SYNPO2: variants seen among roughly 807,000 people sequenced by gnomAD.
SYNPO2 encodes synaptopodin-2.
In SYNPO2, 56 loss-of-function variants were observed where a neutral mutation model predicts 85.0. That is an observed-to-expected ratio of 0.66 (90% CI 0.53 to 0.82). The LOEUF is 0.82. Among genes scored for constraint, SYNPO2 ranks in the 40% least tolerant of loss-of-function variants. SYNPO2 has a pLI of 0.00. For synonymous variants in SYNPO2, 602 were observed against 591.1 expected (o/e 1.02, Z -0.27); for missense variants, 1,575 against 1,534.2 (o/e 1.03, Z -0.44).
At chr4:119,033,141 G>T (rs1738355044) in intron 4 of SYNPO2, 1 of 985,416 alleles carries the variant, frequency 1.0e-6, no homozygotes, top group East Asian at 1.1e-4. Flanking sequence ...TTTACTGACT[G>T]ACTACAGGGG....
Position 118,909,214 on chromosome 4 carries a change from G to T in SYNPO2, c.105+20073G>T, listed in dbSNP as rs190301221. Among the ~76,000 whole-genome samples, 985 of 152,306 alleles carry T rather than the reference G, an allele frequency of 6.5e-3. 14 individuals are homozygous for T. The highest frequency in any genetic ancestry group is 5.3e-3 in the Non-Finnish European group (362 of 68,026). On this transcript the variant is annotated intron_variant, in intron 1 of 4. Transcript: ENST00000307142. ...AGGGATGCCTAGTATAGAGGATAAA[G>T]CTCTTTTCAGGGTTGTGAAACATAC...
At chr4:118,897,824 T>G (rs1732598017) in intron 1 of SYNPO2, among the ~76,000 whole-genome samples, 1 of 152,104 alleles carries the variant, frequency 6.6e-6, no homozygotes, top group Non-Finnish European at 1.5e-5. Context: ...TTGGGTCTAG[T>G]GTAGTTTGAA....
At chr4:119,020,423 C>T (rs767580690) in intron 1 of SYNPO2, among the ~76,000 whole-genome samples, 4 of 152,174 alleles carry the variant, frequency 2.6e-5, no homozygotes, top group Non-Finnish European at 5.9e-5. Context: ...ATGAACTGCA[C>T]TTTTCCTATC....
At chr4:118,954,422 A>G (rs1011030760) in intron 1 of SYNPO2, among the ~76,000 whole-genome samples, 2 of 152,128 alleles carry the variant, frequency 1.3e-5, no homozygotes, top group African/African-American at 4.8e-5. Flanking sequence ...GTGCCCTTTC[A>G]TATGGGCTCA....
chr4:119,057,649 G>A lies in SYNPO2; in HGVS notation c.3501G>A (p.Lys1167=), dbSNP rs138547821. 1.9e-6 allele frequency: 3 copies of A among 1,614,020 alleles called. No individual in the cohort carries two copies. The highest frequency in any genetic ancestry group is 2.7e-5 in the African/African-American group (2 of 74,922). Residue 1167 remains lysine (K), a synonymous_variant, in exon 5 of 5, where the codon AAG becomes AAA. Coordinates refer to ENST00000307142, the MANE Select transcript of SYNPO2 (RefSeq NM_133477.3). Reference sequence around the variant, plus strand: ...ATGTGGTTTCAGCAGCTCGGAGGAAGGTGCTTCCAGGGCCTCCAGAGGATT... The same window carrying A: ...ATGTGGTTTCAGCAGCTCGGAGGAAAGTGCTTCCAGGGCCTCCAGAGGATT... ...VANVVSAARR[K]VLPGPPEDWN...
At chr4:118,875,322 T>C (rs569906139) in intron 1 of SYNPO2, among the ~76,000 whole-genome samples, 1 of 152,316 alleles carries the variant, frequency 6.6e-6, no homozygotes, top group African/African-American at 2.4e-5. Flanking sequence ...TTTTTCTCTA[T>C]TTTTTTGGTT....
In SYNPO2 at chr4:118,938,320, A is replaced by C. The variant is rs1560887136; in HGVS notation, c.105+49179A>C. 2.0e-5 allele frequency among the ~76,000 whole-genome samples: 3 copies of C among 152,230 alleles called. 1 individual carries two copies. Among genetic ancestry groups the C allele is most frequent in the East Asian group, 3.9e-4 (2 of 5,182 alleles). ...GGCTGACGGAGCAAGATTCCATCTC[A>C]ATTTAAAGAAAACATATGTATATTT... On this transcript the variant is annotated intron_variant, in intron 1 of 4. Coordinates refer to ENST00000307142, the MANE Select transcript of SYNPO2 (RefSeq NM_133477.3).
intron 1 of SYNPO2, among the ~76,000 whole-genome samples, chr4:118,852,178 C>T (rs1228755761): frequency 6.6e-6 from 1 of 152,190 alleles, no homozygotes; most frequent in Non-Finnish European, 1.5e-5. Context: ...GAGCTGCCAT[C>T]TCACACTAGT....
chr4:118,970,162 C>T (rs914011917), intron 1 of SYNPO2, among the ~76,000 whole-genome samples: 1 of 152,108 alleles, frequency 6.6e-6, no homozygotes, highest in African/African-American at 2.4e-5. Context: ...CTGTTTTATT[C>T]CTGAATTATA....
intron 1 of SYNPO2, among the ~76,000 whole-genome samples, chr4:118,851,317 G>A (rs902489208): frequency 3.3e-5 from 5 of 152,040 alleles, no homozygotes; most frequent in South Asian, 2.1e-4. Context: ...GAGAAACCCC[G>A]TCTCTACTAA....
At chr4:118,875,200 A>G (rs1207532840) in intron 1 of SYNPO2, among the ~76,000 whole-genome samples, 1 of 152,088 alleles carries the variant, frequency 6.6e-6, no homozygotes, top group Non-Finnish European at 1.5e-5. Flanking sequence ...ATTCCTTTTT[A>G]TGGCTGCATG....
intron 1 of SYNPO2, among the ~76,000 whole-genome samples, chr4:118,864,201 C>A (rs568355204): frequency 6.6e-6 from 1 of 152,206 alleles, no homozygotes; most frequent in Non-Finnish European, 1.5e-5. Context: ...TTCTTAGTTT[C>A]TTTATTGGCC....
intron 4 of SYNPO2, among the ~76,000 whole-genome samples, chr4:119,055,152 TA>T (rs1222507096): frequency 6.8e-5 from 10 of 147,252 alleles, no homozygotes; most frequent in African/African-American, 2.4e-4. Flanking sequence ...ATTATTTATT[TA>T]TTTATTTTTT....
intron 1 of SYNPO2, among the ~76,000 whole-genome samples, chr4:119,022,983 G>A (rs1560990145): frequency 6.6e-6 from 1 of 151,602 alleles, no homozygotes; most frequent in African/African-American, 2.4e-5. Flanking sequence ...TCACCATGTT[G>A]GCCAGGCTGG....
In SYNPO2 at chr4:119,027,389, C is replaced by G. The variant is rs772314173; in HGVS notation, c.1020C>G (p.Arg340=). 2.5e-6 allele frequency: 4 copies of G among 1,612,572 alleles called. No homozygotes were observed. The highest frequency in any genetic ancestry group is 1.1e-5 in the South Asian group (1 of 91,040). The change falls in exon 3 of 5, where the codon CGC becomes CGG. Residue 340 remains arginine (R), a synonymous_variant. Coordinates refer to ENST00000307142, the MANE Select transcript of SYNPO2 (RefSeq NM_133477.3). The part of the protein sequence containing the change: ...SEGTEQGEDP[R]SEKDHSRPHK... The stretch of plus-strand genomic sequence containing the variant: ...GCACAGAGCAGGGAGAAGATCCACG[C>G]TCGGAAAAAGATCACAGCAGACCTC...
chr4:118,917,116 G>A (rs973819023), intron 1 of SYNPO2, among the ~76,000 whole-genome samples: 2 of 152,152 alleles, frequency 1.3e-5, no homozygotes, highest in African/African-American at 4.8e-5. Flanking sequence ...AACAGGCCAG[G>A]CACAGTGGCT....
intron 1 of SYNPO2, among the ~76,000 whole-genome samples, chr4:119,007,188 A>G (rs1270018172): frequency 1.4e-5 from 2 of 138,096 alleles, no homozygotes; most frequent in Non-Finnish European, 3.1e-5. Flanking sequence ...GAGGAGACTG[A>G]AAATTCCCAA....
intron 1 of SYNPO2, among the ~76,000 whole-genome samples, chr4:118,898,415 T>C (rs1732617503): frequency 6.6e-6 from 1 of 152,198 alleles, no homozygotes; most frequent in Non-Finnish European, 1.5e-5. Context: ...TACAGAGAGC[T>C]GCCAGAGAGA....
At chr4:118,994,811 T>C (rs1024973404) in intron 1 of SYNPO2, among the ~76,000 whole-genome samples, 5 of 152,236 alleles carry the variant, frequency 3.3e-5, no homozygotes, top group African/African-American at 7.2e-5. Context: ...TTTTTGGGTA[T>C]TTAATTTTTA....
Sources: gnomAD v4.1 joint callset for allele counts (sites outside exome capture counted in the v4.1 genomes callset) on GRCh38, gnomAD v4.1.1 for gene constraint, MANE v1.5 for transcripts, NCBI Gene and HGNC (gene_info 2026-07-23, HGNC 2026-07-21) for gene names.